The following MSRA variants were observed in gnomAD, a reference collection of about 807,000 sequenced individuals.
The protein encoded by MSRA is mitochondrial peptide methionine sulfoxide reductase.
Under a neutral mutation model 31.3 loss-of-function variants are expected in MSRA, and 54 were observed. The ratio of observed to expected loss-of-function variants is 1.73; its 90% confidence interval spans 1.39 to 2.17. The LOEUF (loss-of-function observed/expected upper bound fraction) is 2.17. Among genes scored for constraint, MSRA ranks in the 30% most tolerant of loss-of-function variants. The probability of loss-of-function intolerance (pLI) is 0.00; values close to 1 mark genes in which losing one functional copy is unlikely to be tolerated. For missense variants in MSRA, 507 were observed against 300.9 expected (o/e 1.69, Z -5.07); for synonymous variants, 169 against 116.5 (o/e 1.45, Z -2.90).
chr8:10,074,327 C>G (rs1036477997), intron 1 of MSRA, among the ~76,000 whole-genome samples: 11 of 151,942 alleles, frequency 7.2e-5, no homozygotes, highest in African/African-American at 2.7e-4. Context: ...CGTGATCTGC[C>G]TGCCTCGGCC....
chr8:10,229,985 G>T (rs1811328974), intron 2 of MSRA, among the ~76,000 whole-genome samples: 1 of 152,144 alleles, frequency 6.6e-6, no homozygotes, highest in Non-Finnish European at 1.5e-5. Context: ...TTCTTTTTAG[G>T]AATCCCTCCA....
chr8:10,101,028 A>G (rs148432606), intron 1 of MSRA, among the ~76,000 whole-genome samples: 92 of 152,310 alleles, frequency 6.0e-4, no homozygotes, highest in African/African-American at 1.9e-3. Context: ...ATTGTTCTCA[A>G]AGACCCAGGA....
chr8:10,363,362 G>A (rs940087740), intron 5 of MSRA, among the ~76,000 whole-genome samples: 1 of 152,142 alleles, frequency 6.6e-6, no homozygotes, highest in Non-Finnish European at 1.5e-5. Context: ...GACTCACAGG[G>A]CCAACCTGGC....
intron 1 of MSRA, among the ~76,000 whole-genome samples, chr8:10,205,714 A>T (rs905400182): frequency 6.6e-6 from 1 of 152,188 alleles, no homozygotes; most frequent in African/African-American, 2.4e-5. Context: ...ATAAAAATAA[A>T]TGTCTTGCAT....
chr8:10,076,060 C>G (rs373058331), intron 1 of MSRA, among the ~76,000 whole-genome samples: 4 of 151,260 alleles, frequency 2.6e-5, no homozygotes, highest in African/African-American at 9.7e-5. Flanking sequence ...CACGTCTGGA[C>G]TGCGAGTCAG....
rs1439964744 is a variant in MSRA, at chr8:10,078,500, C to G, written c.142+23842C>G. Among the ~76,000 whole-genome samples, 4 of 152,226 alleles carry G rather than the reference C, an allele frequency of 2.6e-5. No homozygotes were observed. The East Asian group carries it at 7.7e-4, about 29-fold the overall frequency. On this transcript the variant is annotated intron_variant, in intron 1 of 5. Coordinates refer to ENST00000317173, the MANE Select transcript of MSRA (RefSeq NM_012331.5). ...CTCTGCCCTCAGGCACCAGTGACCCCTGGGGTGGGTCATCTGACCCTTTCT... is the reference window on the plus strand; with the variant it reads ...CTCTGCCCTCAGGCACCAGTGACCCGTGGGGTGGGTCATCTGACCCTTTCT...
intron 2 of MSRA, among the ~76,000 whole-genome samples, chr8:10,214,887 G>A (rs1257550229): frequency 2.0e-5 from 3 of 152,298 alleles, no homozygotes; most frequent in Non-Finnish European, 2.9e-5. Flanking sequence ...GTGTAGAGAA[G>A]TCAGATAATA....
At chr8:10,071,345 AATT>A (rs1288603106) in intron 1 of MSRA, among the ~76,000 whole-genome samples, 13 of 152,070 alleles carry the variant, frequency 8.5e-5, no homozygotes, top group Non-Finnish European at 1.5e-4. Context: ...TTTCTAATTG[AATT>A]ATTGCTTTAC....
intron 5 of MSRA, chr8:10,353,478 G>T (rs1804316704): frequency 3.3e-6 from 1 of 306,218 alleles, no homozygotes; most frequent in Non-Finnish European, 6.2e-6. Context: ...CCTGTATTTG[G>T]TACCGGAGGC....
intron 1 of MSRA, among the ~76,000 whole-genome samples, chr8:10,205,266 G>T (rs1216563696): frequency 6.6e-6 from 1 of 152,138 alleles, no homozygotes; most frequent in Admixed American, 6.5e-5. Flanking sequence ...AAGGGGTCAT[G>T]ACATTTGGGG....
At chr8:10,389,181 C>T (rs1206527444) in intron 5 of MSRA, among the ~76,000 whole-genome samples, 2 of 152,156 alleles carry the variant, frequency 1.3e-5, no homozygotes, top group Admixed American at 1.3e-4. Flanking sequence ...GTCAGTGTTT[C>T]TCTGTGGAAA....
chr8:10,060,874 C>T (rs1001059227), intron 1 of MSRA, among the ~76,000 whole-genome samples: 1 of 152,128 alleles, frequency 6.6e-6, no homozygotes, highest in African/African-American at 2.4e-5. Context: ...ATTCCTTCCA[C>T]TATTATGTAG....
chr8:10,404,223 C>G (rs1015247830), intron 5 of MSRA, among the ~76,000 whole-genome samples: 1 of 152,146 alleles, frequency 6.6e-6, no homozygotes, highest in Non-Finnish European at 1.5e-5. Flanking sequence ...GGTGCTGCTC[C>G]TCCTCCACAA....
chr8:10,195,355 C>G (rs921645425), intron 1 of MSRA, among the ~76,000 whole-genome samples: 5 of 152,224 alleles, frequency 3.3e-5, no homozygotes, highest in African/African-American at 1.2e-4. Flanking sequence ...ATTCTTCTGC[C>G]TCAGCCTTCT....
Position 10,250,668 on chromosome 8 carries a change from T to C in MSRA, c.331+5445T>C, listed in dbSNP as rs971432757. ...GCCCAGGTGTGGGAAGAGCGGAGTGTGGGAGTCCTCGTGTGACCCTCTGGG... is the reference window on the plus strand; with the variant it reads ...GCCCAGGTGTGGGAAGAGCGGAGTGCGGGAGTCCTCGTGTGACCCTCTGGG... On this transcript the variant is annotated intron_variant, in intron 3 of 5. Transcript: ENST00000317173. 5.1e-6 allele frequency: 3 copies of C among 583,418 alleles called. No individual in the cohort carries two copies. In the Admixed American group the frequency reaches 9.0e-5, roughly 17 times the overall value. The allele number at this position is 583,418 out of a possible 1,614,324, so 36.1% of individuals were successfully genotyped here.
At chr8:10,222,172 A>G (rs1411285901) in intron 2 of MSRA, among the ~76,000 whole-genome samples, 1 of 151,976 alleles carries the variant, frequency 6.6e-6, no homozygotes, top group African/African-American at 2.4e-5. Context: ...TTAGGAAGCT[A>G]TTGCCTCCTA....
At chr8:10,297,258 C>T (rs1228498389) in intron 3 of MSRA, among the ~76,000 whole-genome samples, 1 of 152,186 alleles carries the variant, frequency 6.6e-6, no homozygotes, top group Non-Finnish European at 1.5e-5. Flanking sequence ...TCCATTTGTT[C>T]ATCTTCCTCT....
intron 5 of MSRA, among the ~76,000 whole-genome samples, chr8:10,367,804 C>G (rs1240539276): frequency 2.6e-5 from 4 of 152,186 alleles, no homozygotes; most frequent in African/African-American, 9.7e-5. Context: ...CACAGCACAT[C>G]TGGAAGAGGG....
At chr8:10,114,498 GTTATTA>G (rs10568280) in intron 1 of MSRA, among the ~76,000 whole-genome samples, 88,181 of 151,494 alleles carry the variant, frequency 0.58, 25,842 homozygotes, top group Middle Eastern at 0.67. Flanking sequence ...GCCAACACTT[GTTATTA>G]TTATTATTAT....
Sources: allele counts gnomAD v4.1 joint callset (sites outside exome capture counted in the v4.1 genomes callset), GRCh38; gene constraint gnomAD v4.1.1; transcripts MANE v1.5; gene names NCBI Gene and HGNC (gene_info 2026-07-23, HGNC 2026-07-21).